The following LRRTM4 variants were observed in gnomAD, a reference collection of about 807,000 sequenced individuals.
LRRTM4 encodes leucine rich repeat transmembrane neuronal 4, also known as leucine-rich repeat transmembrane neuronal protein 4.
In LRRTM4, 25 loss-of-function variants were observed where a neutral mutation model predicts 47.6. That is an observed-to-expected ratio of 0.53 (90% confidence interval 0.38 to 0.73). LRRTM4 has a LOEUF of 0.73. LRRTM4 is among the 30% of genes least tolerant of loss of function. LRRTM4 has a pLI of 0.00. For synonymous variants in LRRTM4, 311 were observed against 269.5 expected, an observed-to-expected ratio of 1.15 and a Z score of -1.51; for missense variants, 638 against 713.4, an observed-to-expected ratio of 0.89 and a Z score of 1.20.
chr2:77,010,173 T>C (rs914098177), intron 3 of LRRTM4, among the ~76,000 whole-genome samples: 1 of 152,054 alleles, frequency 6.6e-6, no homozygotes, highest in Non-Finnish European at 1.5e-5. Flanking sequence ...TAAGCAATTC[T>C]CAAATATACA....
rs1301265776 is a variant in LRRTM4, at chr2:77,519,766, G to A, written c.103C>T (p.Pro35Ser). The A allele has an allele frequency of 6.2e-7, 1 of 1,613,000 alleles. No individual in the cohort carries two copies. The highest frequency in any genetic ancestry group is 1.3e-5 in the African/African-American group (1 of 74,810). The part of the protein sequence containing the change: ...VMLTGAQRAC[P>S]KNCRCDGKIV... Reference sequence around the variant, plus strand: ...TTGCCATCACATCTGCAGTTCTTTGGGCAAGCTCTCTGAGCACCCGTGAGC... The same window carrying A: ...TTGCCATCACATCTGCAGTTCTTTGAGCAAGCTCTCTGAGCACCCGTGAGC... Residue 35 changes from proline to serine, a missense_variant, in exon 3 of 4, where the codon CCA becomes TCA. Physicochemically the swap from Pro to Ser is moderately conservative, Grantham distance 74. Coordinates refer to ENST00000409884, the MANE Select transcript of LRRTM4 (RefSeq NM_001134745.3). This position sits in a 1 kb window ranked among gnomAD's most constrained non-coding sequence, Gnocchi z 4.6.
chr2:76,975,193 T>C (rs1273183218), intron 3 of LRRTM4, among the ~76,000 whole-genome samples: 1 of 151,300 alleles, frequency 6.6e-6, no homozygotes, highest in African/African-American at 2.4e-5. Context: ...TTGTTTTTGC[T>C]AACTGAGTTT....
intron 3 of LRRTM4, among the ~76,000 whole-genome samples, chr2:77,094,329 T>A (rs934104107): frequency 6.6e-6 from 1 of 152,144 alleles, no homozygotes; most frequent in South Asian, 2.1e-4. Context: ...ATTTTAAAAG[T>A]TTATATTGTT....
intron 3 of LRRTM4, among the ~76,000 whole-genome samples, chr2:77,084,041 G>A (rs926860977): frequency 2.2e-4 from 33 of 151,866 alleles, no homozygotes; most frequent in East Asian, 5.8e-4. Flanking sequence ...TCCTGACCTC[G>A]TGATCCACCC....
At chr2:76,807,382 TTATATA>T (rs72365054) in intron 3 of LRRTM4, among the ~76,000 whole-genome samples, 15 of 126,872 alleles carry the variant, frequency 1.2e-4, no homozygotes, top group African/African-American at 3.6e-4. Flanking sequence ...AACATTCATT[TTATATA>T]TATATATATA....
intron 3 of LRRTM4, among the ~76,000 whole-genome samples, chr2:76,883,431 C>T (rs917037845): frequency 2.2e-4 from 33 of 152,276 alleles, no homozygotes; most frequent in African/African-American, 7.9e-4. Flanking sequence ...ACTTTCCCAG[C>T]CCCGAGCCCT....
chr2:76,884,095 C>T (rs573205537), intron 3 of LRRTM4, among the ~76,000 whole-genome samples: 1 of 152,090 alleles, frequency 6.6e-6, no homozygotes, highest in South Asian at 2.1e-4. Flanking sequence ...GTTGAACCAC[C>T]ATGCCCAGCC....
At chr2:77,105,609 C>T (rs62168766) in intron 3 of LRRTM4, among the ~76,000 whole-genome samples, 65,209 of 151,652 alleles carry the variant, frequency 0.43, 17,053 homozygotes, top group African/African-American at 0.72. Flanking sequence ...TGTATACATA[C>T]GTAACTAACC....
intron 3 of LRRTM4, among the ~76,000 whole-genome samples, chr2:77,084,051 C>A (rs914050018): frequency 2.0e-5 from 3 of 151,796 alleles, no homozygotes; most frequent in African/African-American, 7.3e-5. Flanking sequence ...GTGATCCACC[C>A]GCCTCGGCCT....
intron 3 of LRRTM4, among the ~76,000 whole-genome samples, chr2:76,872,321 CAA>C (rs1342313760): frequency 6.6e-6 from 1 of 152,006 alleles, no homozygotes; most frequent in Non-Finnish European, 1.5e-5. Context: ...GAACAATAAT[CAA>C]ATGGAGTGAA....
At chr2:76,954,567 A>T (rs1194381830) in intron 3 of LRRTM4, among the ~76,000 whole-genome samples, 1 of 151,764 alleles carries the variant, frequency 6.6e-6, no homozygotes, top group East Asian at 1.9e-4. Context: ...CCATCAAATG[A>T]ACAAATACGG....
intron 3 of LRRTM4, among the ~76,000 whole-genome samples, chr2:77,021,681 CT>C (rs1303322042): frequency 6.6e-6 from 1 of 152,130 alleles, no homozygotes; most frequent in Non-Finnish European, 1.5e-5. Context: ...ATGAGTTTAC[CT>C]TGGGGAGGTT....
intron 3 of LRRTM4, among the ~76,000 whole-genome samples, chr2:77,242,183 T>C (rs1369486748): frequency 6.6e-6 from 1 of 152,148 alleles, no homozygotes; most frequent in Non-Finnish European, 1.5e-5. Flanking sequence ...AACAAAATCA[T>C]TGGAATTTGG....
At chr2:77,233,858 C>A (rs1675033948) in intron 3 of LRRTM4, among the ~76,000 whole-genome samples, 1 of 152,148 alleles carries the variant, frequency 6.6e-6, no homozygotes, top group Admixed American at 6.5e-5. Context: ...GCGATCTTGG[C>A]TCACTGCAAC....
intron 3 of LRRTM4, among the ~76,000 whole-genome samples, chr2:77,039,031 G>C (rs1205545948): frequency 6.6e-6 from 1 of 151,020 alleles, no homozygotes. Context: ...CAGTTCATAA[G>C]AAAATGGAAC....
intron 3 of LRRTM4, among the ~76,000 whole-genome samples, chr2:76,837,219 C>T (rs976358106): frequency 7.9e-5 from 12 of 152,006 alleles, no homozygotes; most frequent in Admixed American, 5.3e-4. Flanking sequence ...TCTGTGGGAT[C>T]GGTGGTGATA....
intron 3 of LRRTM4, among the ~76,000 whole-genome samples, chr2:77,288,711 C>G (rs1473283666): frequency 6.6e-6 from 1 of 151,972 alleles, no homozygotes; most frequent in Non-Finnish European, 1.5e-5. Context: ...TTAGAAGAAA[C>G]TTGAATAATA....
At chr2:76,766,427 C>A (rs969209570) in intron 3 of LRRTM4, among the ~76,000 whole-genome samples, 3 of 152,180 alleles carry the variant, frequency 2.0e-5, no homozygotes, top group East Asian at 1.9e-4. Context: ...AGGACCACGA[C>A]TACTGAAATG....
At chr2:77,013,852 G>T (rs1272263955) in intron 3 of LRRTM4, among the ~76,000 whole-genome samples, 2 of 152,106 alleles carry the variant, frequency 1.3e-5, no homozygotes, top group African/African-American at 4.8e-5. Flanking sequence ...TCTTAAACTG[G>T]GAGGGTCTGT....
Sources: gnomAD v4.1 joint callset for allele counts (sites outside exome capture counted in the v4.1 genomes callset) on GRCh38, gnomAD v4.1.1 for gene constraint, Gnocchi (gnomAD v3.1) non-coding constraint, MANE v1.5 for transcripts, NCBI Gene and HGNC (gene_info 2026-07-23, HGNC 2026-07-21) for gene names.